TEX9: variants seen among roughly 807,000 people sequenced by gnomAD.
The protein encoded by TEX9 is testis-expressed protein 9.
In TEX9, 74 loss-of-function variants were observed where a neutral mutation model predicts 59.6. The ratio of observed to expected loss-of-function variants is 1.24; its 90% CI spans 1.03 to 1.51. TEX9 has a LOEUF of 1.51. TEX9 is among the 40% of genes most tolerant of loss of function. TEX9 has a pLI of 0.00. For synonymous variants in TEX9, 186 were observed against 152.2 expected (o/e 1.22, Z -1.64); for missense variants, 522 against 447.8 (o/e 1.17, Z -1.49).
intron 1 of TEX9, among the ~76,000 whole-genome samples, chr15:56,300,102 G>T (rs891636581): frequency 5.9e-5 from 9 of 152,090 alleles, no homozygotes; most frequent in Non-Finnish European, 1.0e-4. Flanking sequence ...CTCCTGGATG[G>T]CATTTTTTGA....
intron 1 of TEX9, among the ~76,000 whole-genome samples, chr15:56,250,538 C>G (rs142674966): frequency 2.0e-5 from 3 of 152,310 alleles, no homozygotes; most frequent in Admixed American, 2.0e-4. Context: ...CGAGTGTATT[C>G]AAGCTAGTCT....
At chr15:56,256,312 G>T (rs1260057916) in intron 1 of TEX9, among the ~76,000 whole-genome samples, 1 of 151,898 alleles carries the variant, frequency 6.6e-6, no homozygotes. Flanking sequence ...GACAGTGTTG[G>T]GATATGAACC....
chr15:56,372,056 A>G (rs1203540657), intron 2 of TEX9, among the ~76,000 whole-genome samples: 1 of 152,152 alleles, frequency 6.6e-6, no homozygotes, highest in Non-Finnish European at 1.5e-5. Flanking sequence ...GCTTAGCAAT[A>G]TTTCCTCCAT....
At position 56,336,423 on chromosome 15, in the gene TEX9, T is replaced by C. The variant is rs908330426; in HGVS notation, c.-106-37018T>C. Among the ~76,000 whole-genome samples the C allele has an allele frequency of 4.6e-5, 7 of 152,148 alleles. 1 individual carries two copies. In the East Asian group the frequency reaches 9.6e-4, roughly 21 times the overall value. ...CTTTCTCCCATGTTATATCTCCCAA[T>C]ATTTCTCTGGTAATATCTCCCAGAT... On this transcript the variant is annotated intron_variant, in intron 1 of 5. Transcript: ENST00000560827.
chr15:56,270,164 G>T (rs1229463430), intron 1 of TEX9, among the ~76,000 whole-genome samples: 1 of 152,172 alleles, frequency 6.6e-6, no homozygotes. Context: ...TATTAGGTCT[G>T]CTTGGTGCAG....
chr15:56,265,424 T>G (rs967740963), intron 1 of TEX9, among the ~76,000 whole-genome samples: 2 of 152,080 alleles, frequency 1.3e-5, no homozygotes, highest in African/African-American at 4.8e-5. Context: ...TTTTCTGCCT[T>G]GGCCTCCTAA....
chr15:56,373,498 A>AC lies in TEX9; in HGVS notation c.177_178insC (p.Ile60HisfsTer11), dbSNP rs1478434582. 6.4e-7 allele frequency: 1 copy of AC among 1,565,596 alleles called. No homozygotes were observed. Among genetic ancestry groups the AC allele is most frequent in the Non-Finnish European group, 8.6e-7 (1 of 1,165,310 alleles). The stretch of plus-strand genomic sequence containing the variant: ...CTGACGTGGTTCAACAAGCTAAGGA[A>AC]ATAATAGTAAGTATATGTACAATTA... On this transcript the variant is annotated frameshift_variant, in exon 3 of 13. Coordinates refer to ENST00000352903, the Ensembl canonical transcript of TEX9. LOFTEE classifies it high-confidence loss of function.
chr15:56,336,874 A>G (rs187183128), intron 1 of TEX9, among the ~76,000 whole-genome samples: 1 of 152,168 alleles, frequency 6.6e-6, no homozygotes, highest in Admixed American at 6.5e-5. Flanking sequence ...GCAAGGCATT[A>G]CCTTTCAGCG....
chr15:56,427,553 T>G, intron 10 of TEX9, 52 bp from the exon 11 acceptor site: 2 of 1,243,832 alleles, frequency 1.6e-6, no homozygotes, highest in African/African-American at 1.6e-5. Flanking sequence ...TATAATTCTT[T>G]CCATTGAGGC....
chr15:56,299,373 G>A (rs1435828758), intron 1 of TEX9, among the ~76,000 whole-genome samples: 9 of 152,168 alleles, frequency 5.9e-5, no homozygotes, highest in Admixed American at 5.9e-4. Flanking sequence ...CCATCCCAGT[G>A]GTTGGAACCT....
intron 1 of TEX9, among the ~76,000 whole-genome samples, chr15:56,306,184 C>G (rs2045477814): frequency 7.8e-6 from 1 of 128,532 alleles, no homozygotes; most frequent in South Asian, 2.5e-4. Context: ...CTATGCAGAA[C>G]AGTATGGAGG....
At chr15:56,247,488 G>A (rs1382918996) in intron 1 of TEX9, among the ~76,000 whole-genome samples, 1 of 152,158 alleles carries the variant, frequency 6.6e-6, no homozygotes, top group Non-Finnish European at 1.5e-5. Context: ...ACAGAGGGAA[G>A]ATGATTTCAG....
chr15:56,447,157 A>G (rs73415843), downstream of TEX9: 14,611 of 420,022 alleles, frequency 0.035, 1,774 homozygotes, highest in African/African-American at 0.26. Flanking sequence ...GCTCTGTTCT[A>G]TTACATTCAT....
intron 1 of TEX9, among the ~76,000 whole-genome samples, chr15:56,322,421 T>C (rs2045923066): frequency 6.6e-6 from 1 of 152,180 alleles, no homozygotes; most frequent in Non-Finnish European, 1.5e-5. Context: ...ATCGTGGTCA[T>C]GCAGAAATGG....
intron 4 of TEX9, among the ~76,000 whole-genome samples, chr15:56,387,058 C>T (rs1199440143): frequency 1.3e-5 from 2 of 151,884 alleles, no homozygotes; most frequent in Non-Finnish European, 1.5e-5. Flanking sequence ...TTCCTAATAA[C>T]GTAGTATACG....
intron 1 of TEX9, among the ~76,000 whole-genome samples, chr15:56,332,617 A>AT (rs1412118156): frequency 5.5e-4 from 25 of 45,506 alleles, no homozygotes; most frequent in Admixed American, 9.1e-4. Context: ...CTTAAAATAT[A>AT]AAAAAAAAAA....
chr15:56,339,390 A>AAAAAAAAAAAAAAAAAAAAAAAC (rs2046323734), intron 1 of TEX9, among the ~76,000 whole-genome samples: 1 of 107,000 alleles, frequency 9.3e-6, no homozygotes, highest in African/African-American at 3.6e-5. Flanking sequence ...CTCCAAAAAA[A>AAAAAAAAAAAAAAAAAAAAAAAC]AAAAAAAAAA....
At chr15:56,436,773 A>G (rs913250644) in intron 12 of TEX9, among the ~76,000 whole-genome samples, 3 of 152,298 alleles carry the variant, frequency 2.0e-5, no homozygotes, top group South Asian at 4.1e-4. Context: ...GATAAAGGGG[A>G]TATCACCACA....
chr15:56,398,552 T>C (rs2142400352), intron 9 of TEX9, among the ~76,000 whole-genome samples: 1 of 152,232 alleles, frequency 6.6e-6, no homozygotes, highest in East Asian at 1.9e-4. Context: ...CAGATAATCT[T>C]GAAACCTTGG....
Sources: allele counts gnomAD v4.1 joint callset (sites outside exome capture counted in the v4.1 genomes callset), GRCh38; gene constraint gnomAD v4.1.1; transcripts MANE v1.5; gene names NCBI Gene and HGNC (gene_info 2026-07-23, HGNC 2026-07-21).